Variants in FANCD2 observed in about 807,000 individuals in gnomAD.
The protein encoded by FANCD2 is FA complementation group D2, also known as Fanconi anemia group D2 protein.
FANCD2 carries 131 observed loss-of-function variants against 192.3 expected under a neutral mutation model. That is an observed-to-expected ratio of 0.68 (90% CI 0.59 to 0.79). The LOEUF is 0.79. Among genes scored for constraint, FANCD2 ranks in the 30% least tolerant of loss-of-function variants. FANCD2 has a pLI of 0.00. For missense variants in FANCD2, 1,508 were observed against 1,701.6 expected (o/e 0.89, Z 2.00); for synonymous variants, 524 against 612.5 (o/e 0.86, Z 2.13).
Position 10,074,601 on chromosome 3 carries a change from C to T in FANCD2, c.2787C>T (p.Asp929=). Reference sequence around the variant, plus strand: ...CCCATGCTTTTTTCCGAGAGCTGGACATTGAGGTCTTCTCTATTCTACATT... The same window carrying T: ...CCCATGCTTTTTTCCGAGAGCTGGATATTGAGGTCTTCTCTATTCTACATT... The part of the protein sequence containing the change: ...HNSHAFFREL[D]IEVFSILHCG... The change falls in exon 29 of 44, where the codon GAC becomes GAT. Residue 929 remains aspartate, a synonymous_variant. Coordinates refer to ENST00000675286, the MANE Select transcript of FANCD2 (RefSeq NM_001018115.3). 1 of 1,613,442 alleles carries T rather than the reference C, an allele frequency of 6.2e-7. No homozygotes were observed. Among genetic ancestry groups the T allele is most frequent in the Non-Finnish European group, 8.5e-7 (1 of 1,179,494 alleles).
chr3:10,044,489 G>A (rs2086947363), intron 14 of FANCD2, among the ~76,000 whole-genome samples: 1 of 151,922 alleles, frequency 6.6e-6, no homozygotes, highest in South Asian at 2.1e-4. Context: ...CCAATGTAGC[G>A]AAACCCCGTC....
rs944251266 is a variant in FANCD2, at chr3:10,092,355, T to G, written c.3849+103T>G. The G allele has an allele frequency of 7.5e-5, 66 of 883,124 alleles. No homozygotes were observed. In the African/African-American group the frequency reaches 1.1e-3, roughly 14 times the overall value. 54.7% of individuals were successfully genotyped at this position (883,124 alleles called of 1,614,324 possible). A position where few individuals can be genotyped will look rare whatever the true frequency, so the allele number is the denominator to read the frequency against. ...CCTTGCTCCTCTTCCCACTCTTCCT[T>G]GGGGCCTGCTCTCCCTGAGTCGTCT... On this transcript the variant is annotated intron_variant, in intron 38 of 43. Transcript: ENST00000675286.
At chr3:10,036,175 C>A (rs2086727190) in intron 6 of FANCD2, 112 bp from the exon 7 acceptor site, 2 of 793,650 alleles carry the variant, frequency 2.5e-6, no homozygotes, top group Non-Finnish European at 2.2e-6. Context: ...CAATCTCTGC[C>A]TTCCCCAGGT....
chr3:10,075,509 G>A lies in FANCD2; in HGVS notation c.2859+836G>A, dbSNP rs559276264. On this transcript the variant is annotated intron_variant, in intron 29 of 43. Transcript: ENST00000675286. ...CCATAGCTTTATTGATGCCAAATACGGCATTAATGGTCTGAACCAAGGACT... is the reference window on the plus strand; with the variant it reads ...CCATAGCTTTATTGATGCCAAATACAGCATTAATGGTCTGAACCAAGGACT... 2.6e-5 allele frequency among the ~76,000 whole-genome samples: 4 copies of A among 152,188 alleles called. No homozygotes were observed. In the East Asian group the frequency reaches 5.8e-4, roughly 22 times the overall value.
At chr3:10,100,920 T>C (rs1695262132) in intron 43 of FANCD2, among the ~76,000 whole-genome samples, 1 of 152,056 alleles carries the variant, frequency 6.6e-6, no homozygotes, top group African/African-American at 2.4e-5. Flanking sequence ...AATACAAAAA[T>C]TAGCCGGGCG....
intron 18 of FANCD2, among the ~76,000 whole-genome samples, chr3:10,054,383 A>G (rs1449216102): frequency 8.5e-6 from 1 of 117,294 alleles, no homozygotes; most frequent in African/African-American, 4.1e-5. Flanking sequence ...ATATACATAT[A>G]TATATGTATA....
intron 30 of FANCD2, among the ~76,000 whole-genome samples, chr3:10,079,460 C>A (rs1693710680): frequency 6.6e-6 from 1 of 151,994 alleles, no homozygotes; most frequent in Non-Finnish European, 1.5e-5. Flanking sequence ...CGCGCGCCAC[C>A]ACACCCAGCT....
At position 10,085,799 on chromosome 3, in the gene FANCD2, T is replaced by A; in HGVS notation, c.3225-13T>A. 1 of 1,584,118 alleles carries A rather than the reference T, an allele frequency of 6.3e-7. No individual in the cohort carries two copies. Among genetic ancestry groups the A allele is most frequent in the South Asian group, 1.1e-5 (1 of 90,514 alleles). On this transcript the variant is annotated splice_polypyrimidine_tract_variant and intron_variant, in intron 32 of 43. Coordinates refer to ENST00000675286, the MANE Select transcript of FANCD2 (RefSeq NM_001018115.3). ...AGAAACTAAGCTAACCCCTCTTACC[T>A]TGACTTCCTTAGGAGTGGATTTTCT...
At chr3:10,051,338 G>A (rs1326894001) in intron 17 of FANCD2, among the ~76,000 whole-genome samples, 2 of 124,864 alleles carry the variant, frequency 1.6e-5, no homozygotes, top group African/African-American at 2.9e-5. Flanking sequence ...CCGAGATCCC[G>A]CCACTGCACT....
intron 7 of FANCD2, among the ~76,000 whole-genome samples, chr3:10,038,380 G>A (rs2124982389): frequency 6.6e-6 from 1 of 152,156 alleles, no homozygotes; most frequent in South Asian, 2.1e-4. Context: ...AAGATTGGCT[G>A]CAATAACAAG....
chr3:10,094,547 T>G (rs567898947), intron 40 of FANCD2, among the ~76,000 whole-genome samples, 184 bp downstream of exon 40: 2 of 152,194 alleles, frequency 1.3e-5, no homozygotes, highest in Admixed American at 1.3e-4. Flanking sequence ...TCAGGCCCAC[T>G]CTGGATCAAA....
chr3:10,040,009 T>A, intron 9 of FANCD2, 164 bp downstream of exon 9: 2 of 656,338 alleles, frequency 3.0e-6, no homozygotes, highest in Non-Finnish European at 5.1e-6. Flanking sequence ...AAAAGGTATA[T>A]ATTTGAATAG....
chr3:10,034,853 A>G (rs1481590897), intron 5 of FANCD2, 55 bp downstream of exon 5: 1 of 1,284,816 alleles, frequency 7.8e-7, no homozygotes, highest in Non-Finnish European at 1.1e-6. Context: ...TGCCAACTTC[A>G]TGGGGCTGGG....
At chr3:10,098,880 G>T in intron 43 of FANCD2, 65 bp downstream of exon 43, 2 of 1,614,160 alleles carry the variant, frequency 1.2e-6, no homozygotes, top group Non-Finnish European at 1.7e-6. Context: ...GTTCTAAGTT[G>T]GTGGAGCAGA....
At chr3:10,077,879 A>C (rs1285136837) in intron 29 of FANCD2, among the ~76,000 whole-genome samples, 1 of 152,090 alleles carries the variant, frequency 6.6e-6, no homozygotes, top group Non-Finnish European at 1.5e-5. Context: ...AATTAAAAAA[A>C]AAAATGTAGC....
At chr3:10,092,086 T>C in intron 37 of FANCD2, 95 bp from the exon 38 acceptor site, 1 of 910,710 alleles carries the variant, frequency 1.1e-6, no homozygotes, top group South Asian at 1.3e-5. Flanking sequence ...AATATCTGTA[T>C]AGCTATGTAA....
intron 18 of FANCD2, among the ~76,000 whole-genome samples, chr3:10,053,015 A>G (rs1406872469): frequency 2.9e-5 from 4 of 137,584 alleles, no homozygotes; most frequent in Non-Finnish European, 6.2e-5. Flanking sequence ...TGACCCAGCC[A>G]TCCCATTACT....
intron 28 of FANCD2, among the ~76,000 whole-genome samples, chr3:10,074,225 T>C (rs1375430742): frequency 2.6e-5 from 4 of 152,170 alleles, no homozygotes; most frequent in Non-Finnish European, 5.9e-5. Context: ...ATTACAGGCA[T>C]GAACCACCAC....
chr3:10,038,579 C>CT lies in FANCD2; in HGVS notation c.492-682dup, dbSNP rs573306335. The stretch of plus-strand genomic sequence containing the variant: ...ATGTTCCCTTAGCAATATATGCTTG[C>CT]TTTTTTTTTTTTTTTTTTGAGACAG... On this transcript the variant is annotated intron_variant, in intron 7 of 43. Transcript: ENST00000675286. 3.6e-3 allele frequency among the ~76,000 whole-genome samples: 459 copies of CT among 128,928 alleles called. 7 individuals carry two copies. Among genetic ancestry groups the CT allele is most frequent in the South Asian group, 8.6e-3 (36 of 4,192 alleles). The allele number at this position is 128,928 out of a possible 152,430, so 84.6% of individuals were successfully genotyped here. A position where few individuals can be genotyped will look rare whatever the true frequency, so the allele number is the denominator to read the frequency against.
Sources: gnomAD v4.1 joint callset for allele counts (sites outside exome capture counted in the v4.1 genomes callset) on GRCh38, gnomAD v4.1.1 for gene constraint, MANE v1.5 for transcripts, NCBI Gene and HGNC (gene_info 2026-07-23, HGNC 2026-07-21) for gene names.